The following CPVL variants were observed in gnomAD, a reference collection of about 807,000 sequenced individuals.
CPVL encodes the protein probable serine carboxypeptidase CPVL.
A neutral mutation model predicts 63.7 loss-of-function variants in CPVL; 51 were observed. The observed-to-expected ratio is 0.80, with a 90% CI of 0.64 to 1.01. The LOEUF (loss-of-function observed/expected upper bound fraction) is 1.01, where lower values mean the gene tolerates loss of function less well. CPVL is among the 50% of genes least tolerant of loss of function. CPVL has a pLI of 0.00. For synonymous variants in CPVL, 195 were observed against 206.0 expected (o/e 0.95, Z 0.46); for missense variants, 530 against 573.1 (o/e 0.92, Z 0.77).
chr7:29,111,536 C>G (rs940680894), intron 3 of CPVL, among the ~76,000 whole-genome samples: 3 of 152,236 alleles, frequency 2.0e-5, no homozygotes, highest in African/African-American at 7.2e-5. Context: ...AAGAAGCCCT[C>G]TCTAGGGGCC....
chr7:29,077,814 C>T (rs1299112887), intron 7 of CPVL, among the ~76,000 whole-genome samples: 1 of 152,166 alleles, frequency 6.6e-6, no homozygotes, highest in Non-Finnish European at 1.5e-5. Context: ...TTTATACACA[C>T]ACTGAACACC....
At chr7:29,013,792 G>A (rs373000993) in intron 12 of CPVL, among the ~76,000 whole-genome samples, 39 of 152,342 alleles carry the variant, frequency 2.6e-4, no homozygotes, top group African/African-American at 9.6e-5. Context: ...CAGCTCCTTC[G>A]GGGTCTGCCT....
intron 1 of CPVL, among the ~76,000 whole-genome samples, chr7:29,143,245 C>A (rs1341703833): frequency 6.6e-6 from 1 of 152,234 alleles, no homozygotes; most frequent in Non-Finnish European, 1.5e-5. Flanking sequence ...AATCAAAACT[C>A]TCCTTGTTCC....
chr7:29,022,303 C>A (rs918970824), intron 12 of CPVL, among the ~76,000 whole-genome samples: 1 of 152,216 alleles, frequency 6.6e-6, no homozygotes, highest in Non-Finnish European at 1.5e-5. Context: ...CCACCACCAC[C>A]AGTGCCCACA....
intron 12 of CPVL, among the ~76,000 whole-genome samples, chr7:29,014,471 A>G (rs1262531745): frequency 1.3e-5 from 2 of 151,596 alleles, no homozygotes; most frequent in East Asian, 3.9e-4. Flanking sequence ...AGCTGGGACT[A>G]CAGGCCTGCA....
chr7:29,152,963 C>T (rs1475592136), intron 5 of CPVL, among the ~76,000 whole-genome samples: 1 of 152,248 alleles, frequency 6.6e-6, no homozygotes, highest in Non-Finnish European at 1.5e-5. Context: ...TGGAGTCATC[C>T]TCTATCTGAG....
chr7:29,010,270 T>TG (rs1785681399), intron 12 of CPVL: 1 of 152,148 alleles, frequency 6.6e-6, no homozygotes. Context: ...CCAAATTTTT[T>TG]TTTTGTTTTG....
chr7:29,080,152 T>A (rs542443477), intron 7 of CPVL: 2 of 152,058 alleles, frequency 1.3e-5, no homozygotes, highest in Admixed American at 1.3e-4. Flanking sequence ...CACTATTGGG[T>A]ACTGAGCTTA....
At chr7:29,049,995 T>C (rs901937308) in intron 11 of CPVL, among the ~76,000 whole-genome samples, 6 of 152,126 alleles carry the variant, frequency 3.9e-5, no homozygotes, top group South Asian at 4.2e-4. Flanking sequence ...CTCAGCAAAA[T>C]TGGCATACAA....
chr7:29,113,626 C>G (rs1788472090), intron 2 of CPVL: 1 of 152,184 alleles, frequency 6.6e-6, no homozygotes, highest in African/African-American at 2.4e-5. Context: ...AAGTATAATT[C>G]TCATTCCCAC....
At chr7:29,044,929 C>T (rs1011078832) in intron 11 of CPVL, among the ~76,000 whole-genome samples, 3 of 152,158 alleles carry the variant, frequency 2.0e-5, no homozygotes, top group African/African-American at 7.2e-5. Context: ...AGATGAAATT[C>T]TACATTTCCT....
intron 1 of CPVL, among the ~76,000 whole-genome samples, chr7:29,130,600 A>G (rs1790582467): frequency 1.3e-5 from 2 of 152,174 alleles, no homozygotes; most frequent in Admixed American, 6.5e-5. Flanking sequence ...AGACATATCC[A>G]TATGAGTAAA....
chr7:29,084,546 C>T (rs1785031565), intron 7 of CPVL, among the ~76,000 whole-genome samples: 1 of 152,166 alleles, frequency 6.6e-6, no homozygotes. Flanking sequence ...GAATGTAGGG[C>T]ATGGATTTTT....
intron 9 of CPVL, among the ~76,000 whole-genome samples, chr7:29,071,318 G>T (rs780222791): frequency 6.6e-6 from 1 of 152,274 alleles, no homozygotes; most frequent in South Asian, 2.1e-4. Context: ...TTCCTGACAC[G>T]TGTGTCACAT....
In CPVL at chr7:29,095,094, A is replaced by G. The variant is rs1786261197; in HGVS notation, c.452T>C (p.Ile151Thr). 1.9e-6 allele frequency: 3 copies of G among 1,613,710 alleles called. No homozygotes were observed. The highest frequency in any genetic ancestry group is 2.5e-6 in the Non-Finnish European group (3 of 1,179,700). Residue 151 changes from isoleucine (I) to threonine (T), a missense_variant, in exon 5 of 13, where the codon ATT (isoleucine) becomes ACT (threonine). Transcript: ENST00000265394. Reference sequence around the variant, plus strand: ...TCATCCCGGACTTACTGGATTGTCAATGTAAAGCATGGAGAGCGTTGTGGT... The same window carrying G: ...TCATCCCGGACTTACTGGATTGTCAGTGTAAAGCATGGAGAGCGTTGTGGT... ...PWTTTLSMLY[I>T]DNPVGTGFSF... is the part of the protein sequence containing the mutation.
intron 12 of CPVL, among the ~76,000 whole-genome samples, chr7:29,025,855 G>A (rs1304499598): frequency 9.9e-5 from 15 of 152,102 alleles, no homozygotes; most frequent in Admixed American, 9.8e-4. Context: ...GGAGAGATAG[G>A]CTCCAATACA....
At chr7:29,173,087 C>T (rs577782943) in intron 5 of CPVL, among the ~76,000 whole-genome samples, 49 of 148,402 alleles carry the variant, frequency 3.3e-4, no homozygotes, top group African/African-American at 1.5e-4. Context: ...GCTGAGATTG[C>T]GCCAATGTAC....
intron 5 of CPVL, among the ~76,000 whole-genome samples, chr7:29,157,627 C>T (rs532299477): frequency 6.6e-6 from 1 of 152,148 alleles, no homozygotes; most frequent in African/African-American, 2.4e-5. Context: ...TGGGATAGGT[C>T]AAATGTTATT....
intron 5 of CPVL, among the ~76,000 whole-genome samples, chr7:29,165,434 C>A (rs897799040): frequency 6.6e-6 from 1 of 152,060 alleles, no homozygotes; most frequent in African/African-American, 2.4e-5. Context: ...GTGTAGGTTT[C>A]TTAGATTTTT....
Sources: allele counts gnomAD v4.1 joint callset (sites outside exome capture counted in the v4.1 genomes callset), GRCh38; gene constraint gnomAD v4.1.1; transcripts MANE v1.5; gene names NCBI Gene and HGNC (gene_info 2026-07-23, HGNC 2026-07-21).